Variants in PTPRC observed in about 807,000 individuals in gnomAD.
PTPRC encodes receptor-type tyrosine-protein phosphatase C.
PTPRC carries 44 observed loss-of-function variants against 155.9 expected under a neutral mutation model. That is an observed-to-expected ratio of 0.28 (90% CI 0.22 to 0.36). PTPRC has a LOEUF of 0.36. PTPRC is among the 10% of genes least tolerant of loss of function. The pLI, the probability that PTPRC is intolerant of heterozygous loss-of-function variation, is 1.00. For missense variants in PTPRC, 1,401 were observed against 1,564.6 expected (o/e 0.90, Z 1.76); for synonymous variants, 525 against 533.1 (o/e 0.98, Z 0.21).
At chr1:198,731,558 T>C (rs527383650) in intron 17 of PTPRC, 59 bp from the exon 18 acceptor site, 2 of 1,276,580 alleles carry the variant, frequency 1.6e-6, no homozygotes, top group South Asian at 2.4e-5. Flanking sequence ...TTTAATGAAA[T>C]GTGTATGCCC....
At chr1:198,725,696 T>G (rs1444701684) in intron 15 of PTPRC, among the ~76,000 whole-genome samples, 2 of 152,198 alleles carry the variant, frequency 1.3e-5, no homozygotes, top group Admixed American at 6.5e-5. Context: ...TAGTATTTTT[T>G]CAAGAAGATA....
intron 3 of PTPRC, among the ~76,000 whole-genome samples, chr1:198,695,932 C>T (rs969308979): frequency 1.1e-4 from 16 of 152,092 alleles, no homozygotes; most frequent in South Asian, 2.1e-4. Flanking sequence ...GAGGCCGAGG[C>T]GGGTGGATCA....
intron 2 of PTPRC, among the ~76,000 whole-genome samples, chr1:198,654,322 A>G (rs1438008107): frequency 6.6e-6 from 1 of 151,886 alleles, no homozygotes; most frequent in Non-Finnish European, 1.5e-5. Context: ...ATAAATAAAT[A>G]AATGACAGCT....
intron 3 of PTPRC, chr1:198,694,659 T>A (rs1237148308): frequency 1.0e-6 from 1 of 983,158 alleles, no homozygotes; most frequent in Admixed American, 6.2e-5. Flanking sequence ...AATTATCAAG[T>A]CTATAATGAT....
At chr1:198,733,750 A>C (rs1363119753) in intron 20 of PTPRC, among the ~76,000 whole-genome samples, 4 of 151,938 alleles carry the variant, frequency 2.6e-5, no homozygotes, top group Admixed American at 2.0e-4. Flanking sequence ...TTAAGAGGTG[A>C]AAATGCGGGT....
chr1:198,669,804 G>A (rs1557983079), intron 2 of PTPRC, among the ~76,000 whole-genome samples: 1 of 152,160 alleles, frequency 6.6e-6, no homozygotes, highest in Non-Finnish European at 1.5e-5. Flanking sequence ...TCCTGGGGCT[G>A]TAAAGTCAAC....
At chr1:198,751,917 T>C (rs1462740999) in intron 29 of PTPRC, among the ~76,000 whole-genome samples, 1 of 151,944 alleles carries the variant, frequency 6.6e-6, no homozygotes, top group African/African-American at 2.4e-5. Flanking sequence ...CAGCCATAAA[T>C]ATTGAAGAGG....
intron 2 of PTPRC, among the ~76,000 whole-genome samples, chr1:198,682,842 C>A (rs1665415352): frequency 6.6e-6 from 1 of 152,138 alleles, no homozygotes; most frequent in African/African-American, 2.4e-5. Context: ...TAAGAATCTA[C>A]CCCTTTTGTA....
chr1:198,683,889 A>G (rs1665473231), intron 2 of PTPRC, among the ~76,000 whole-genome samples: 1 of 152,104 alleles, frequency 6.6e-6, no homozygotes, highest in Non-Finnish European at 1.5e-5. Flanking sequence ...TAGTATGTCC[A>G]TGGGAAAAAA....
At chr1:198,749,236 T>C (rs1209970725) in intron 27 of PTPRC, among the ~76,000 whole-genome samples, 180 bp from the exon 28 acceptor site, 1 of 151,822 alleles carries the variant, frequency 6.6e-6, no homozygotes, top group African/African-American at 2.4e-5. Flanking sequence ...TCTTAGACTT[T>C]TGTTGTATAA....
chr1:198,706,301 G>A (rs1187090093), intron 8 of PTPRC, among the ~76,000 whole-genome samples: 2 of 152,142 alleles, frequency 1.3e-5, no homozygotes, highest in South Asian at 2.1e-4. Flanking sequence ...GAAACAGGTG[G>A]TTAATAACTA....
intron 24 of PTPRC, 66 bp from the exon 25 acceptor site, chr1:198,742,166 T>C: frequency 1.2e-6 from 2 of 1,608,322 alleles, no homozygotes; most frequent in African/African-American, 1.3e-5. Flanking sequence ...TAGATTCTTA[T>C]ATTGGCTTCA....
At chr1:198,660,073 T>C (rs1208032646) in intron 2 of PTPRC, among the ~76,000 whole-genome samples, 1 of 131,074 alleles carries the variant, frequency 7.6e-6, no homozygotes, top group African/African-American at 3.0e-5. Flanking sequence ...ATATATGATC[T>C]TTTTTTTGAT....
chr1:198,651,848 G>A (rs1663270915), intron 2 of PTPRC, among the ~76,000 whole-genome samples: 1 of 151,720 alleles, frequency 6.6e-6, no homozygotes, highest in South Asian at 2.1e-4. Context: ...AAGGGGTCAG[G>A]AAAGGGAAGT....
chr1:198,750,874 A>G (rs372702543), intron 29 of PTPRC, among the ~76,000 whole-genome samples: 4 of 151,974 alleles, frequency 2.6e-5, no homozygotes, highest in African/African-American at 9.7e-5. Flanking sequence ...GGATGCAGCA[A>G]TGTCAGCGTC....
At chr1:198,670,929 AG>A (rs1265983874) in intron 2 of PTPRC, among the ~76,000 whole-genome samples, 28 of 152,218 alleles carry the variant, frequency 1.8e-4, no homozygotes, top group Non-Finnish European at 3.5e-4. Flanking sequence ...CTATTTACAT[AG>A]CATTTATTTT....
At chr1:198,709,641 G>T in intron 10 of PTPRC, 46 bp from the exon 11 acceptor site, 1 of 1,423,224 alleles carries the variant, frequency 7.0e-7, no homozygotes. Flanking sequence ...ATGTGTGCGT[G>T]AAATATTGCA....
chr1:198,692,283 T>C (rs201663019), intron 2 of PTPRC, 64 bp from the exon 3 acceptor site: 160 of 1,223,038 alleles, frequency 1.3e-4, no homozygotes, highest in South Asian at 7.8e-5. Flanking sequence ...AAATCTAATA[T>C]ATGTTTACAT....
intron 31 of PTPRC, among the ~76,000 whole-genome samples, chr1:198,753,639 T>C (rs1558041548): frequency 6.6e-6 from 1 of 152,066 alleles, no homozygotes; most frequent in Non-Finnish European, 1.5e-5. Flanking sequence ...ATATGTTTCT[T>C]AGAATATGAT....
Sources: allele counts gnomAD v4.1 joint callset (sites outside exome capture counted in the v4.1 genomes callset), GRCh38; gene constraint gnomAD v4.1.1; transcripts MANE v1.5; gene names NCBI Gene and HGNC (gene_info 2026-07-23, HGNC 2026-07-21).